PTPRO: variants seen among roughly 807,000 people sequenced by gnomAD.
The protein encoded by PTPRO is protein tyrosine phosphatase receptor type O.
In PTPRO, 62 loss-of-function variants were observed where a neutral mutation model predicts 145.2. That is an observed-to-expected ratio of 0.43 (90% confidence interval 0.35 to 0.53). The LOEUF (loss-of-function observed/expected upper bound fraction) is 0.53, where lower values mean the gene tolerates loss of function less well. PTPRO is among the 20% of genes least tolerant of loss of function. The probability of loss-of-function intolerance (pLI) is 0.01; values close to 1 mark genes in which losing one functional copy is unlikely to be tolerated. For synonymous variants in PTPRO, 565 were observed against 514.7 expected (o/e 1.10, Z -1.32); for missense variants, 1,345 against 1,482.7 (o/e 0.91, Z 1.53).
chr12:15,477,357 G>A (rs1455965285), intron 1 of PTPRO, among the ~76,000 whole-genome samples: 1 of 120,240 alleles, frequency 8.3e-6, no homozygotes, highest in African/African-American at 3.2e-5. Flanking sequence ...GTGGTGGGGA[G>A]GGGGGAGGGG....
chr12:15,385,041 C>A (rs541523758), intron 1 of PTPRO, among the ~76,000 whole-genome samples: 2 of 152,226 alleles, frequency 1.3e-5, no homozygotes, highest in South Asian at 4.1e-4. Flanking sequence ...AGTGTCATAA[C>A]CTTAAATTGA....
At chr12:15,450,709 G>A (rs966075320) in intron 1 of PTPRO, among the ~76,000 whole-genome samples, 70 of 152,034 alleles carry the variant, frequency 4.6e-4, no homozygotes, top group African/African-American at 1.6e-3. Flanking sequence ...AGAGGTTAAG[G>A]CCATAGTGAG....
intron 12 of PTPRO, among the ~76,000 whole-genome samples, chr12:15,543,193 C>T (rs1219558671): frequency 2.6e-5 from 4 of 152,166 alleles, no homozygotes; most frequent in East Asian, 3.8e-4. Flanking sequence ...GACATGTAAA[C>T]GTCTTCCAGA....
At chr12:15,410,600 G>C (rs1356592943) in intron 1 of PTPRO, 2 of 152,134 alleles carry the variant, frequency 1.3e-5, no homozygotes, top group Non-Finnish European at 1.5e-5. Flanking sequence ...AGCAGATTCT[G>C]GGATTTCTTA....
intron 1 of PTPRO, among the ~76,000 whole-genome samples, chr12:15,340,483 T>C (rs983814578): frequency 1.3e-5 from 2 of 152,208 alleles, no homozygotes; most frequent in Admixed American, 1.3e-4. Flanking sequence ...GTTTCTTTTT[T>C]CTGTCCGTCA....
intron 1 of PTPRO, among the ~76,000 whole-genome samples, chr12:15,325,171 CT>C (rs1186145611): frequency 6.6e-6 from 1 of 152,116 alleles, no homozygotes; most frequent in Non-Finnish European, 1.5e-5. Context: ...TATGTGTATC[CT>C]TTATATAAGA....
chr12:15,422,654 C>T (rs1165768219), intron 1 of PTPRO, among the ~76,000 whole-genome samples: 12 of 152,116 alleles, frequency 7.9e-5, no homozygotes, highest in Non-Finnish European at 1.6e-4. Flanking sequence ...TGCTACAAAG[C>T]GACCATGTAG....
intron 1 of PTPRO, chr12:15,410,826 A>G (rs1939778535): frequency 6.6e-6 from 1 of 152,190 alleles, no homozygotes; most frequent in South Asian, 2.1e-4. Context: ...TACATCCAAT[A>G]CAGCTCCTTA....
chr12:15,526,111 G>C, intron 11 of PTPRO, 31 bp from the exon 12 acceptor site: 1 of 1,613,580 alleles, frequency 6.2e-7, no homozygotes, highest in Non-Finnish European at 8.5e-7. Flanking sequence ...TTCACTAAAA[G>C]TTTAAACCCT....
At chr12:15,573,731 A>G (rs567477277) in intron 19 of PTPRO, among the ~76,000 whole-genome samples, 1 of 152,222 alleles carries the variant, frequency 6.6e-6, no homozygotes, top group African/African-American at 2.4e-5. Context: ...CAGACTTCAG[A>G]TATTACCAGT....
intron 1 of PTPRO, among the ~76,000 whole-genome samples, chr12:15,397,583 A>G (rs1348609137): frequency 2.0e-5 from 3 of 152,210 alleles, no homozygotes; most frequent in Non-Finnish European, 4.4e-5. Flanking sequence ...GAATATGGAC[A>G]TCCACAACCC....
chr12:15,379,381 A>AT (rs1247641334), intron 1 of PTPRO, among the ~76,000 whole-genome samples: 1 of 147,472 alleles, frequency 6.8e-6, no homozygotes, highest in African/African-American at 2.6e-5. Context: ...AAAAAAAAAA[A>AT]TTACCTGGGC....
At chr12:15,324,889 TG>T (rs1189047217) in intron 1 of PTPRO, among the ~76,000 whole-genome samples, 1 of 152,214 alleles carries the variant, frequency 6.6e-6, no homozygotes, top group Non-Finnish European at 1.5e-5. Flanking sequence ...CATGGTGCGT[TG>T]GGCACATGGT....
intron 1 of PTPRO, chr12:15,410,184 AAC>A (rs1388042054): frequency 6.8e-6 from 1 of 148,068 alleles, no homozygotes; most frequent in African/African-American, 2.7e-5. Flanking sequence ...CAAATGAATA[AAC>A]ACAATTTATG....
intron 12 of PTPRO, among the ~76,000 whole-genome samples, chr12:15,538,466 G>A (rs909611178): frequency 6.6e-6 from 1 of 152,140 alleles, no homozygotes; most frequent in African/African-American, 2.4e-5. Context: ...CTCTTGATCT[G>A]CCCGCAAGTG....
chr12:15,363,591 T>G (rs969431880), intron 1 of PTPRO, among the ~76,000 whole-genome samples: 2 of 151,972 alleles, frequency 1.3e-5, no homozygotes, highest in African/African-American at 2.4e-5. Flanking sequence ...ACAGACTGAA[T>G]TAAGCACCAG....
intron 1 of PTPRO, among the ~76,000 whole-genome samples, chr12:15,372,332 C>T (rs1435618519): frequency 6.6e-6 from 1 of 152,120 alleles, no homozygotes; most frequent in Non-Finnish European, 1.5e-5. Flanking sequence ...TCTTTACTGT[C>T]TATAGCAGGA....
intron 1 of PTPRO, among the ~76,000 whole-genome samples, chr12:15,430,051 G>T (rs1204203136): frequency 2.6e-5 from 4 of 151,778 alleles, no homozygotes; most frequent in African/African-American, 9.7e-5. Flanking sequence ...TTGAGTTTGC[G>T]GTGCCTTTCT....
intron 1 of PTPRO, among the ~76,000 whole-genome samples, chr12:15,369,702 C>G (rs1188170967): frequency 6.6e-6 from 1 of 152,024 alleles, no homozygotes; most frequent in African/African-American, 2.4e-5. Context: ...ATTATATATC[C>G]TAGAATACGG....
Sources: gnomAD v4.1 joint callset for allele counts (sites outside exome capture counted in the v4.1 genomes callset) on GRCh38, gnomAD v4.1.1 for gene constraint, MANE v1.5 for transcripts, NCBI Gene and HGNC (gene_info 2026-07-23, HGNC 2026-07-21) for gene names.